The following SGCD variants were observed in gnomAD, a reference collection of about 807,000 sequenced individuals.
The protein encoded by SGCD is sarcoglycan delta.
SGCD carries 18 observed loss-of-function variants against 36.6 expected under a neutral mutation model. That is an observed-to-expected ratio of 0.49 (90% CI 0.34 to 0.73). SGCD has a LOEUF of 0.73. SGCD is among the 30% of genes least tolerant of loss of function. The pLI, the probability that SGCD is intolerant of heterozygous loss-of-function variation, is 0.01. For missense variants in SGCD, 387 were observed against 346.7 expected (o/e 1.12, Z -0.92); for synonymous variants, 133 against 130.6 (o/e 1.02, Z -0.12).
the SGCD span, among the ~76,000 whole-genome samples, chr5:155,850,886 G>A: frequency 6.6e-6 from 1 of 152,146 alleles, no homozygotes; most frequent in South Asian, 2.1e-4. Flanking sequence ...AGTAGAATGG[G>A]CAATGTTTAC....
chr5:156,670,363 C>T (rs554345753), intron 7 of SGCD, among the ~76,000 whole-genome samples: 1 of 152,142 alleles, frequency 6.6e-6, no homozygotes, highest in African/African-American at 2.4e-5. Context: ...TTGTTTTTAA[C>T]TTGATTAAAA....
chr5:155,812,611 A>T, the SGCD span, among the ~76,000 whole-genome samples: 1 of 152,330 alleles, frequency 6.6e-6, no homozygotes, highest in Middle Eastern at 3.4e-3. Context: ...TCAGAAGAAC[A>T]GGCTATTTGA....
intron 7 of SGCD, among the ~76,000 whole-genome samples, chr5:156,678,977 A>G (rs902663399): frequency 6.6e-6 from 1 of 152,130 alleles, no homozygotes; most frequent in Non-Finnish European, 1.5e-5. Flanking sequence ...TCTAGTTCTG[A>G]TTCACATAAA....
At chr5:156,397,482 A>C (rs1350697108) in intron 3 of SGCD, among the ~76,000 whole-genome samples, 1 of 152,200 alleles carries the variant, frequency 6.6e-6, no homozygotes, top group East Asian at 1.9e-4. Flanking sequence ...GACAAATCCA[A>C]TGTTCAGAGA....
chr5:156,212,800 A>G (rs184423600), intron 3 of SGCD, among the ~76,000 whole-genome samples: 2 of 152,212 alleles, frequency 1.3e-5, no homozygotes, highest in African/African-American at 2.4e-5. Flanking sequence ...ATCAAGTATT[A>G]TTTTCTGTCC....
intron 7 of SGCD, among the ~76,000 whole-genome samples, chr5:156,649,526 C>A (rs550002828): frequency 3.3e-4 from 50 of 152,234 alleles, no homozygotes; most frequent in African/African-American, 1.1e-3. Flanking sequence ...GAATACTATG[C>A]AGCCATAAAA....
the SGCD span, among the ~76,000 whole-genome samples, chr5:155,822,795 G>C: frequency 6.6e-6 from 1 of 152,198 alleles, no homozygotes; most frequent in African/African-American, 2.4e-5. Context: ...GTTAATCCAA[G>C]TATTAACCTT....
intron 3 of SGCD, among the ~76,000 whole-genome samples, chr5:156,369,012 T>C (rs1303600548): frequency 6.6e-6 from 1 of 152,244 alleles, no homozygotes; most frequent in Admixed American, 6.5e-5. Context: ...CTGCTCTATA[T>C]GCTTGAAGGC....
chr5:156,360,245 ATT>A (rs34088944), intron 3 of SGCD, among the ~76,000 whole-genome samples: 56,078 of 137,924 alleles, frequency 0.41, 10,525 homozygotes, highest in East Asian at 0.74. Flanking sequence ...CCCTTTCCTA[ATT>A]TTTTTTTTTT....
At chr5:155,871,137 T>C (rs987512999) in intron 1 of SGCD, among the ~76,000 whole-genome samples, 2 of 152,182 alleles carry the variant, frequency 1.3e-5, no homozygotes. Flanking sequence ...GTTGTGAAAA[T>C]CTCACTATAT....
intron 4 of SGCD, among the ~76,000 whole-genome samples, chr5:156,557,060 CTT>C (rs1327958315): frequency 6.6e-6 from 1 of 152,128 alleles, no homozygotes; most frequent in Non-Finnish European, 1.5e-5. Flanking sequence ...GGACTAGTGA[CTT>C]TGATTTCCCT....
chr5:156,269,194 G>A (rs190471682), intron 3 of SGCD, among the ~76,000 whole-genome samples: 6 of 152,028 alleles, frequency 3.9e-5, no homozygotes, highest in East Asian at 3.9e-4. Flanking sequence ...TCTACTGGGC[G>A]CACGGTGGCT....
At chr5:156,098,651 C>CAT (rs1279396629) in intron 1 of SGCD, among the ~76,000 whole-genome samples, 1 of 151,858 alleles carries the variant, frequency 6.6e-6, no homozygotes. Context: ...CACACACACA[C>CAT]ACACACACAC....
At chr5:156,584,274 A>G (rs1760402126) in intron 4 of SGCD, among the ~76,000 whole-genome samples, 1 of 152,170 alleles carries the variant, frequency 6.6e-6, no homozygotes, top group East Asian at 1.9e-4. Context: ...TTTCCTGACC[A>G]CCCGAGTTAG....
chr5:156,246,027 T>C (rs1765429557), intron 3 of SGCD, among the ~76,000 whole-genome samples: 1 of 152,164 alleles, frequency 6.6e-6, no homozygotes, highest in Non-Finnish European at 1.5e-5. Flanking sequence ...CAGATTACAA[T>C]ATATTTACAT....
chr5:155,869,567 T>G (rs1252243550), upstream of SGCD, among the ~76,000 whole-genome samples: 1 of 152,194 alleles, frequency 6.6e-6, no homozygotes, highest in Non-Finnish European at 1.5e-5. Flanking sequence ...AGCCTGGGCG[T>G]TGCCATCAGA....
chr5:156,587,258 A>T (rs558218781), intron 4 of SGCD, among the ~76,000 whole-genome samples: 1 of 152,322 alleles, frequency 6.6e-6, no homozygotes, highest in East Asian at 1.9e-4. Flanking sequence ...AGCCACGCTA[A>T]GAGTTCAAAG....
intron 2 of SGCD, 102 bp from the exon 3 acceptor site, chr5:156,344,387 C>G: frequency 1.3e-6 from 1 of 777,564 alleles, no homozygotes; most frequent in Non-Finnish European, 2.0e-6. Context: ...TAGACAGCAG[C>G]CAGCCATATC....
chr5:156,749,280 A>G (rs1271124546), intron 7 of SGCD, among the ~76,000 whole-genome samples: 2 of 152,194 alleles, frequency 1.3e-5, no homozygotes, highest in African/African-American at 2.4e-5. Flanking sequence ...CCTATATTAT[A>G]AATACTCCTT....
Sources: gnomAD v4.1 joint callset for allele counts (sites outside exome capture counted in the v4.1 genomes callset) on GRCh38, gnomAD v4.1.1 for gene constraint, MANE v1.5 for transcripts, NCBI Gene and HGNC (gene_info 2026-07-23, HGNC 2026-07-21) for gene names.